Variants in CCDC171 observed in about 807,000 individuals in gnomAD.
The protein encoded by CCDC171 is coiled-coil domain-containing protein 171.
A neutral mutation model predicts 168.2 loss-of-function variants in CCDC171; 177 were observed. The observed-to-expected ratio is 1.05, with a 90% CI of 0.93 to 1.19. CCDC171 has a LOEUF of 1.19. Among genes scored for constraint, CCDC171 ranks in the 50% most tolerant of loss-of-function variants. CCDC171 has a pLI of 0.00. For synonymous variants in CCDC171, 687 were observed against 540.8 expected (o/e 1.27, Z -3.75); for missense variants, 1,991 against 1,539.0 (o/e 1.29, Z -4.91).
intron 3 of CCDC171, among the ~76,000 whole-genome samples, chr9:15,997,588 G>A (rs1267066712): frequency 6.6e-6 from 1 of 150,528 alleles, no homozygotes; most frequent in African/African-American, 2.5e-5. Flanking sequence ...GGGAGTTTAG[G>A]GAGACAAACT....
chr9:15,614,481 T>G (rs2043941899), intron 6 of CCDC171, among the ~76,000 whole-genome samples: 1 of 152,222 alleles, frequency 6.6e-6, no homozygotes, highest in Admixed American at 6.5e-5. Context: ...CTTTTTGGAT[T>G]ACTGCAAGTT....
chr9:16,107,154 T>C, the CCDC171 span, among the ~76,000 whole-genome samples: 1 of 152,128 alleles, frequency 6.6e-6, no homozygotes, highest in Non-Finnish European at 1.5e-5. Flanking sequence ...CCCTCATATA[T>C]GAATTTTCTT....
intron 3 of CCDC171, among the ~76,000 whole-genome samples, chr9:15,575,731 A>G (rs562754491): frequency 1.6e-4 from 24 of 152,358 alleles, no homozygotes; most frequent in African/African-American, 5.0e-4. Flanking sequence ...TTAACAAGTC[A>G]TAGTAGTGTT....
intron 24 of CCDC171, 167 bp downstream of exon 24, chr9:15,874,830 G>A: frequency 3.4e-6 from 2 of 588,750 alleles, no homozygotes; most frequent in Non-Finnish European, 5.1e-6. Flanking sequence ...ACAAAATATT[G>A]TTTTTTTCTT....
chr9:15,622,089 A>C (rs1338547945), intron 6 of CCDC171, among the ~76,000 whole-genome samples: 1 of 152,198 alleles, frequency 6.6e-6, no homozygotes. Context: ...ATGAGAACAC[A>C]TGGACACAAA....
chr9:15,670,262 CA>C (rs35598738), intron 9 of CCDC171, among the ~76,000 whole-genome samples: 11 of 149,988 alleles, frequency 7.3e-5, no homozygotes, highest in East Asian at 1.9e-4. Context: ...AAAATAGTAC[CA>C]AAAAAAAAGC....
chr9:16,050,665 A>G (rs1399145990), intron 1 of CCDC171, among the ~76,000 whole-genome samples: 2 of 152,220 alleles, frequency 1.3e-5, no homozygotes, highest in Non-Finnish European at 2.9e-5. Context: ...TTATCACAAC[A>G]TTGTCTTTGT....
chr9:15,762,284 T>TA (rs1025794111), intron 18 of CCDC171, among the ~76,000 whole-genome samples: 1 of 151,918 alleles, frequency 6.6e-6, no homozygotes, highest in Non-Finnish European at 1.5e-5. Context: ...ACTAAAATAT[T>TA]ACAGATATAT....
At chr9:15,587,886 T>C (rs936658908) in intron 4 of CCDC171, among the ~76,000 whole-genome samples, 4 of 152,198 alleles carry the variant, frequency 2.6e-5, no homozygotes, top group Admixed American at 2.6e-4. Context: ...TCTGAAAGAA[T>C]ATATTTCATC....
chr9:15,751,294 G>T (rs1444400086), intron 18 of CCDC171, among the ~76,000 whole-genome samples: 2 of 152,154 alleles, frequency 1.3e-5, no homozygotes, highest in Non-Finnish European at 2.9e-5. Context: ...ACAAATGGCA[G>T]AACATTCCAT....
At chr9:15,873,894 T>C (rs939926928) in intron 23 of CCDC171, among the ~76,000 whole-genome samples, 1 of 152,158 alleles carries the variant, frequency 6.6e-6, no homozygotes, top group Non-Finnish European at 1.5e-5. Context: ...CTACTGATTT[T>C]ATCTGTTGTA....
intron 11 of CCDC171, among the ~76,000 whole-genome samples, chr9:15,703,450 C>T (rs2051949301): frequency 6.6e-6 from 1 of 152,204 alleles, no homozygotes; most frequent in Non-Finnish European, 1.5e-5. Flanking sequence ...CACCATTCTT[C>T]TCTCTACCTC....
chr9:15,912,092 A>G (rs1017037945), intron 24 of CCDC171, among the ~76,000 whole-genome samples: 6 of 152,206 alleles, frequency 3.9e-5, no homozygotes, highest in Admixed American at 3.9e-4. Context: ...GAAGGAAGCC[A>G]ATGGTGGCTT....
Position 15,907,894 on chromosome 9 carries a change from A to G in CCDC171, c.3601-12376A>G, listed in dbSNP as rs563445137. On this transcript the variant is annotated intron_variant, in intron 24 of 25. Coordinates refer to ENST00000380701, the MANE Select transcript of CCDC171 (RefSeq NM_173550.4). ...GGAGACACTTATGCAGCCAACAGAC[A>G]CATGAAAAAATGCTCATCATCACTG... 1.8e-3 allele frequency among the ~76,000 whole-genome samples: 275 copies of G among 152,386 alleles called. 2 individuals are homozygous for G. Among genetic ancestry groups the G allele is most frequent in the African/African-American group, 6.3e-3 (263 of 41,596 alleles).
intron 21 of CCDC171, among the ~76,000 whole-genome samples, chr9:15,796,086 A>G (rs536789208): frequency 6.6e-6 from 1 of 152,382 alleles, no homozygotes; most frequent in South Asian, 2.1e-4. Context: ...TTTAGGTGGT[A>G]GAAATACTAG....
chr9:15,646,789 C>T (rs1375953359), intron 7 of CCDC171, among the ~76,000 whole-genome samples: 1 of 152,146 alleles, frequency 6.6e-6, no homozygotes, highest in Non-Finnish European at 1.5e-5. Flanking sequence ...TAGACTCCCA[C>T]ACAATAATAA....
At chr9:15,898,800 A>G (rs1385637054) in intron 24 of CCDC171, among the ~76,000 whole-genome samples, 3 of 152,124 alleles carry the variant, frequency 2.0e-5, no homozygotes, top group Admixed American at 2.0e-4. Flanking sequence ...TATATCTTAC[A>G]TCAGTTTAGG....
At position 15,678,881 on chromosome 9, in the gene CCDC171, G is replaced by T; in HGVS notation, c.1200G>T (p.Gln400His). Residue 400 changes from glutamine to histidine, a missense_variant, in exon 10 of 26, where the codon CAG (glutamine) becomes CAT (histidine). Gln to His is a conservative substitution (Grantham distance 24). Transcript: ENST00000380701. ...QYNEKSCSELQEELVMAKKHQ... is the reference protein window; with the variant it reads ...QYNEKSCSELHEELVMAKKHQ... ...ATGAAAAAAGTTGCAGTGAATTACAGGAAGAACTAGTAATGGTAAGGATAA... is the reference window on the plus strand; with the variant it reads ...ATGAAAAAAGTTGCAGTGAATTACATGAAGAACTAGTAATGGTAAGGATAA... 1.3e-6 allele frequency: 2 copies of T among 1,584,990 alleles called. No individual in the cohort carries two copies. Among genetic ancestry groups the T allele is most frequent in the South Asian group, 1.2e-5 (1 of 83,794 alleles).
At chr9:15,753,456 G>A (rs538944376) in intron 18 of CCDC171, among the ~76,000 whole-genome samples, 6 of 152,140 alleles carry the variant, frequency 3.9e-5, no homozygotes, top group African/African-American at 1.4e-4. Context: ...TATCGGAAGA[G>A]AGATGTATCA....
Sources: gnomAD v4.1 joint callset for allele counts (sites outside exome capture counted in the v4.1 genomes callset) on GRCh38, gnomAD v4.1.1 for gene constraint, MANE v1.5 for transcripts, NCBI Gene and HGNC (gene_info 2026-07-23, HGNC 2026-07-21) for gene names.